The following ARHGAP11A variants were observed in gnomAD, a reference collection of about 807,000 sequenced individuals.
ARHGAP11A encodes Rho GTPase activating protein 11A.
ARHGAP11A carries 36 observed loss-of-function variants against 60.5 expected under a neutral mutation model. The observed-to-expected ratio is 0.59, with a 90% CI of 0.46 to 0.79. The LOEUF is 0.79. Ranked by LOEUF, ARHGAP11A falls within the 30% of genes least tolerant of loss-of-function variation. The pLI is 0.00. For missense variants in ARHGAP11A, 1,071 were observed against 1,199.2 expected (o/e 0.89, Z 1.58); for synonymous variants, 362 against 415.5 (o/e 0.87, Z 1.57).
In ARHGAP11A at chr15:32,637,205, TAC is replaced by T; in HGVS notation, c.2434_2435del (p.Gln812ValfsTer3). Reference sequence around the variant, plus strand: ...GAACATAGAAAGGTTTCTGATCACATACAGTGGTTTAACAAGCTTTCTTTAAA... The same window carrying T: ...GAACATAGAAAGGTTTCTGATCACATAGTGGTTTAACAAGCTTTCTTTAAA... On this transcript the variant is annotated frameshift_variant, in exon 12 of 12. Coordinates refer to ENST00000361627, the MANE Select transcript of ARHGAP11A (RefSeq NM_014783.6). LOFTEE classifies it low-confidence loss of function (END_TRUNC). 6.2e-7 allele frequency: 1 copy of T among 1,614,242 alleles called. No homozygotes were observed. The highest frequency in any genetic ancestry group is 8.5e-7 in the Non-Finnish European group (1 of 1,180,048).
chr15:32,626,910 A>G (rs1174855486), intron 6 of ARHGAP11A, among the ~76,000 whole-genome samples: 1 of 152,178 alleles, frequency 6.6e-6, no homozygotes, highest in African/African-American at 2.4e-5. Flanking sequence ...TTTTAACTCG[A>G]GTACATCTGT....
At chr15:32,620,323 G>C (rs2053265701) in intron 2 of ARHGAP11A, 145 bp downstream of exon 2, 7 of 1,458,184 alleles carry the variant, frequency 4.8e-6, no homozygotes, top group Non-Finnish European at 6.4e-6. Flanking sequence ...TGTCGCAAAA[G>C]ATAGAAAAAT....
chr15:32,616,183 T>G lies in ARHGAP11A; in HGVS notation c.-29T>G. On this transcript the variant is annotated 5_prime_UTR_variant, in exon 1 of 12. Coordinates refer to ENST00000361627, the MANE Select transcript of ARHGAP11A (RefSeq NM_014783.6). ...CGAACGAGGGTCAGGACCTGCATCC[T>G]GCCTCAGAGAGTTATCGACGTATCC... The G allele has an allele frequency of 6.2e-7, 1 of 1,611,146 alleles. No homozygotes were observed. The highest frequency in any genetic ancestry group is 8.5e-7 in the Non-Finnish European group (1 of 1,178,510).
At chr15:32,616,904 CA>C (rs1181115286) in intron 1 of ARHGAP11A, among the ~76,000 whole-genome samples, 1 of 152,138 alleles carries the variant, frequency 6.6e-6, no homozygotes. Context: ...ACTGCATATT[CA>C]CTAATTTGGG....
At chr15:32,624,783 GATACTTCCAACTTTTT>G (rs1344313475) in intron 4 of ARHGAP11A, among the ~76,000 whole-genome samples, 2 of 151,310 alleles carry the variant, frequency 1.3e-5, no homozygotes, top group Non-Finnish European at 2.9e-5. Flanking sequence ...GCTGCCTTCT[GATACTTCCAACTTTTT>G]ATGTGTAGGT....
intron 1 of ARHGAP11A, among the ~76,000 whole-genome samples, chr15:32,618,764 C>A (rs948673039): frequency 1.7e-4 from 24 of 138,880 alleles, no homozygotes; most frequent in Admixed American, 1.2e-3. Context: ...TGAAACCCCC[C>A]CCCCCCCGCC....
chr15:32,622,899 GGTT>G (rs1273717002), intron 2 of ARHGAP11A, among the ~76,000 whole-genome samples: 1 of 152,176 alleles, frequency 6.6e-6, no homozygotes, highest in Non-Finnish European at 1.5e-5. Flanking sequence ...CAGAGCCCTG[GGTT>G]GTTCCAGCAT....
At position 32,616,121 on chromosome 15, in the gene ARHGAP11A, A is replaced by G. The variant is rs917890052; in HGVS notation, c.-91A>G. ...GCCGGAAAGCAGCCGAGCGGAGTTC[A>G]AATTTGAGAGCGTTTGGAAATTGGA... On this transcript the variant is annotated 5_prime_UTR_variant, in exon 1 of 12. Coordinates refer to ENST00000361627, the MANE Select transcript of ARHGAP11A (RefSeq NM_014783.6). 1.3e-6 allele frequency: 2 copies of G among 1,514,234 alleles called. No individual in the cohort carries two copies. The highest frequency in any genetic ancestry group is 2.8e-5 in the African/African-American group (2 of 71,588). 93.8% of individuals were successfully genotyped at this position (1,514,234 alleles called of 1,614,324 possible).
rs558903780 is a variant in ARHGAP11A at position 32,638,211 on chromosome 15, C to A, written c.*366C>A. The stretch of plus-strand genomic sequence containing the variant: ...GCCTCAGCCTCCCGAGTAGCTGGGA[C>A]TACAGGTGCCCGCCACCACGCCCAG... On this transcript the variant is annotated 3_prime_UTR_variant, in exon 12 of 12. Transcript: ENST00000361627. 5.8e-6 allele frequency: 1 copy of A among 171,214 alleles called. No individual in the cohort carries two copies. The highest frequency in any genetic ancestry group is 1.7e-4 in the South Asian group (1 of 5,976). 10.6% of individuals were successfully genotyped at this position (171,214 alleles called of 1,614,324 possible).
chr15:32,621,832 A>AAG (rs2053323294), intron 2 of ARHGAP11A, among the ~76,000 whole-genome samples: 1 of 151,898 alleles, frequency 6.6e-6, no homozygotes, highest in African/African-American at 2.4e-5. Context: ...AAAAAAAAAA[A>AAG]AAAAAAAGAA....
chr15:32,619,928 T>C (rs1282895762), intron 1 of ARHGAP11A, among the ~76,000 whole-genome samples, 180 bp from the exon 2 acceptor site: 1 of 152,220 alleles, frequency 6.6e-6, no homozygotes, highest in Admixed American at 6.5e-5. Flanking sequence ...GCATACTGTC[T>C]AATATAGTAA....
intron 8 of ARHGAP11A, among the ~76,000 whole-genome samples, chr15:32,632,174 C>A (rs1595772700): frequency 6.6e-6 from 1 of 152,146 alleles, no homozygotes; most frequent in East Asian, 1.9e-4. Flanking sequence ...ATTAATAACT[C>A]AGATGAATTG....
In ARHGAP11A at chr15:32,633,954, C is replaced by T; in HGVS notation, c.1257C>T (p.Gly419=). ...CTAGAGTGGAATCAGGAAAAGCAGG[C>T]TGCTTTTCTCCTAAAATCAGCCATA... ...KVCRVESGKA[G]CFSPKISHKE... The change falls in exon 10 of 12, where the codon GGC becomes GGT. Residue 419 remains glycine, a synonymous_variant. Transcript: ENST00000361627. 6.2e-7 allele frequency: 1 copy of T among 1,603,066 alleles called. No homozygotes were observed. The highest frequency in any genetic ancestry group is 8.5e-7 in the Non-Finnish European group (1 of 1,176,422).
chr15:32,616,068 G>A lies in ARHGAP11A; in HGVS notation c.-144G>A. ...AGGAAAAGCCGTGGAAGTGGCCGGG[G>A]GTCGGGGCCGCAGAAGTGCCAGACG... On this transcript the variant is annotated 5_prime_UTR_variant, in exon 1 of 12. Coordinates refer to ENST00000361627, the MANE Select transcript of ARHGAP11A (RefSeq NM_014783.6). 8.2e-7 allele frequency: 1 copy of A among 1,221,718 alleles called. No individual in the cohort carries two copies. The highest frequency in any genetic ancestry group is 1.1e-6 in the Non-Finnish European group (1 of 888,742). The allele number at this position is 1,221,718 out of a possible 1,614,324, so 75.7% of individuals were successfully genotyped here.
At position 32,639,079 on chromosome 15, in the gene ARHGAP11A, A is replaced by G. The variant is rs1441635102; in HGVS notation, c.*1234A>G. 1 of 152,680 alleles carries G rather than the reference A, an allele frequency of 6.5e-6. No individual in the cohort carries two copies. The highest frequency in any genetic ancestry group is 1.5e-5 in the Non-Finnish European group (1 of 68,048). The allele number at this position is 152,680 out of a possible 1,614,324, so 9.5% of individuals were successfully genotyped here. Reference sequence around the variant, plus strand: ...AGGCTCTCATGAAATTCAAAGTGCCATTTAGAACATGCACCAAATTGTCAA... The same window carrying G: ...AGGCTCTCATGAAATTCAAAGTGCCGTTTAGAACATGCACCAAATTGTCAA... On this transcript the variant is annotated 3_prime_UTR_variant, in exon 12 of 12. Coordinates refer to ENST00000361627, the MANE Select transcript of ARHGAP11A (RefSeq NM_014783.6).
Position 32,636,667 on chromosome 15 carries a change from C to T in ARHGAP11A, c.1894C>T (p.Pro632Ser), listed in dbSNP as rs771047764. 6.2e-7 allele frequency: 1 copy of T among 1,613,760 alleles called. No homozygotes were observed. Among genetic ancestry groups the T allele is most frequent in the South Asian group, 1.1e-5 (1 of 90,968 alleles). Residue 632 changes from proline (P) to serine (S), a missense_variant, in exon 12 of 12, where the codon CCA (proline) becomes TCA (serine). Pro to Ser is a moderately conservative substitution (Grantham distance 74). This residue lies in a region of ARHGAP11A where 776 missense variants were observed against 760.2 expected (regional missense o/e 1.02). Coordinates refer to ENST00000361627, the MANE Select transcript of ARHGAP11A (RefSeq NM_014783.6). The part of the protein sequence containing the change: ...TNVGKVKLTE[P>S]SYLEDSPEEN... ...TGTGGGGAAAGTAAAATTAACTGAACCATCTTATTTAGAAGATAGCCCAGA... is the reference window on the plus strand; with the variant it reads ...TGTGGGGAAAGTAAAATTAACTGAATCATCTTATTTAGAAGATAGCCCAGA...
intron 2 of ARHGAP11A, among the ~76,000 whole-genome samples, chr15:32,622,450 G>A (rs1021320126): frequency 8.6e-5 from 13 of 151,898 alleles, no homozygotes; most frequent in African/African-American, 2.9e-4. Flanking sequence ...GCAGATTTTC[G>A]GCGTCTGGAA....
chr15:32,638,055 T>A lies in ARHGAP11A; in HGVS notation c.*210T>A, dbSNP rs1274773059. The A allele has an allele frequency of 1.8e-6, 1 of 542,220 alleles. No homozygotes were observed. The highest frequency in any genetic ancestry group is 3.2e-6 in the Non-Finnish European group (1 of 315,484). The allele number at this position is 542,220 out of a possible 1,614,324, so 33.6% of individuals were successfully genotyped here. A position where few individuals can be genotyped will look rare whatever the true frequency, so the allele number is the denominator to read the frequency against. On this transcript the variant is annotated 3_prime_UTR_variant, in exon 12 of 12. Coordinates refer to ENST00000361627, the MANE Select transcript of ARHGAP11A (RefSeq NM_014783.6). ...TGTTTTTCTTAATGATGGCAATTTT[T>A]AAACTTTAATTTTATTGTGATCTCT...
In ARHGAP11A at chr15:32,615,904, C is replaced by G. The variant is rs1449092425; in HGVS notation, c.-308C>G. On this transcript the variant is annotated 5_prime_UTR_variant, in exon 1 of 12. It adds an upstream start codon to the 5' untranslated region. Transcript: ENST00000361627. ...GCAATAGACGAGAAACCGAAAGAAT[C>G]AGAAAGAAGTCTATGTGAGTAGCTG... is the stretch of plus-strand genomic sequence containing the variant. The G allele has an allele frequency of 1.8e-5, 7 of 399,938 alleles. No homozygotes were observed. The highest frequency in any genetic ancestry group is 2.7e-5 in the Non-Finnish European group (6 of 223,564). The allele number at this position is 399,938 out of a possible 1,614,324, so 24.8% of individuals were successfully genotyped here. A position where few individuals can be genotyped will look rare whatever the true frequency, so the allele number is the denominator to read the frequency against.
Sources: allele counts gnomAD v4.1 joint callset (sites outside exome capture counted in the v4.1 genomes callset), GRCh38; gene constraint gnomAD v4.1.1; regional missense constraint gnomAD v4.1.1; transcripts MANE v1.5; gene names NCBI Gene and HGNC (gene_info 2026-07-23, HGNC 2026-07-21).